Variants in STK10 observed in about 807,000 individuals in gnomAD.
STK10 encodes the protein serine/threonine-protein kinase 10.
In STK10, 78 loss-of-function variants were observed where a neutral mutation model predicts 113.8. That is an observed-to-expected ratio of 0.69 (90% CI 0.57 to 0.83). The LOEUF is 0.83. STK10 is among the 40% of genes least tolerant of loss of function. The pLI, the probability that STK10 is intolerant of heterozygous loss-of-function variation, is 0.00. For synonymous variants in STK10, 465 were observed against 494.7 expected, an observed-to-expected ratio of 0.94 and a Z score of 0.80; for missense variants, 1,109 against 1,280.1, an observed-to-expected ratio of 0.87 and a Z score of 2.04.
At chr5:172,079,934 T>C (rs73321805) in intron 12 of STK10, among the ~76,000 whole-genome samples, 6,709 of 152,242 alleles carry the variant, frequency 0.044, 519 homozygotes, top group African/African-American at 0.15. Context: ...CCTCATTTTT[T>C]CATGCTTCAC....
chr5:172,158,652 T>C (rs1770404203), intron 1 of STK10, among the ~76,000 whole-genome samples: 1 of 151,874 alleles, frequency 6.6e-6, no homozygotes, highest in Non-Finnish European at 1.5e-5. Flanking sequence ...CAAAAAAAGA[T>C]GAATGAATAA....
chr5:172,058,682 A>G (rs73314284), intron 14 of STK10, among the ~76,000 whole-genome samples: 1,792 of 152,112 alleles, frequency 0.012, 35 homozygotes, highest in African/African-American at 0.041. Flanking sequence ...TTGAGCCTAG[A>G]AACCTGAGAC....
intron 1 of STK10, among the ~76,000 whole-genome samples, chr5:172,169,994 T>A (rs1770635951): frequency 6.6e-6 from 1 of 152,198 alleles, no homozygotes; most frequent in Non-Finnish European, 1.5e-5. Context: ...GGTTAGCCAG[T>A]TGACTATTGG....
intron 2 of STK10, among the ~76,000 whole-genome samples, chr5:172,135,664 A>T (rs912381463): frequency 6.6e-6 from 1 of 152,206 alleles, no homozygotes; most frequent in Non-Finnish European, 1.5e-5. Context: ...ATTACTATTG[A>T]TCCAAATGGC....
chr5:172,105,471 G>A (rs1417029206), intron 7 of STK10, 185 bp downstream of exon 7: 10 of 631,108 alleles, frequency 1.6e-5, no homozygotes, highest in South Asian at 5.7e-5. Flanking sequence ...GGGTGGCTTC[G>A]TTCCCCAAGG....
At chr5:172,073,793 CA>C (rs60492751) in intron 12 of STK10, among the ~76,000 whole-genome samples, 3,013 of 58,430 alleles carry the variant, frequency 0.052, 117 homozygotes, top group African/African-American at 0.15. Context: ...CTAAAAATAG[CA>C]AAAAAAAAAA....
At position 172,083,040 on chromosome 5, in the gene STK10, T is replaced by C. The variant is rs1768470317; in HGVS notation, c.1730A>G (p.His577Arg). ...GTTACTCAGCTGGGTCTGGTTCCGA[T>C]GCTCTTCTTTCTGGAGCAGCCGAAG... ...RELRLLQKEE[H>R]RNQTQLSNKH... The change falls in exon 11 of 19, where the codon CAT becomes CGT. Residue 577 changes from histidine to arginine, a missense_variant. Coordinates refer to ENST00000176763, the MANE Select transcript of STK10 (RefSeq NM_005990.4). 3 of 1,614,076 alleles carry C rather than the reference T, an allele frequency of 1.9e-6. No homozygotes were observed. The highest frequency in any genetic ancestry group is 1.3e-5 in the African/African-American group (1 of 74,930).
intron 2 of STK10, among the ~76,000 whole-genome samples, chr5:172,135,384 C>T (rs373476861): frequency 2.5e-4 from 38 of 152,074 alleles, no homozygotes; most frequent in African/African-American, 8.2e-4. Flanking sequence ...TGGTGGCACA[C>T]GCCTGTAGTC....
At position 172,156,657 on chromosome 5, in the gene STK10, G is replaced by A. The variant is rs765467967; in HGVS notation, c.288C>T (p.Leu96=). 2 of 1,613,936 alleles carry A rather than the reference G, an allele frequency of 1.2e-6. No homozygotes were observed. The highest frequency in any genetic ancestry group is 1.7e-5 in the Admixed American group (1 of 60,006). ...TCCCGTCGTGATAGTAGGCTCCCAG[G>A]AGCTTCACAATGTAGGGGTGGTCGC... ...ATCDHPYIVK[L]LGAYYHDGKL... Residue 96 remains leucine, a synonymous_variant, in exon 2 of 19, where the codon CTC becomes CTT. Transcript: ENST00000176763.
intron 7 of STK10, among the ~76,000 whole-genome samples, chr5:172,099,680 T>C (rs1399348728): frequency 6.6e-6 from 1 of 151,998 alleles, no homozygotes; most frequent in Non-Finnish European, 1.5e-5. Flanking sequence ...ATCCCAAAGG[T>C]GAGAACCAAG....
chr5:172,174,602 G>GA (rs1369330762), intron 1 of STK10, among the ~76,000 whole-genome samples: 1 of 152,102 alleles, frequency 6.6e-6, no homozygotes, highest in Non-Finnish European at 1.5e-5. Context: ...TAAAGAAGGA[G>GA]AAACACAAGA....
In STK10 at chr5:172,055,606, C is replaced by T. The variant is rs114365941; in HGVS notation, c.2508G>A (p.Gln836=). 529 of 1,523,014 alleles carry T rather than the reference C, an allele frequency of 3.5e-4. 2 individuals carry two copies. The African/African-American group carries it at 6.5e-3, about 19-fold the overall frequency. 94.3% of individuals were successfully genotyped at this position (1,523,014 alleles called of 1,614,324 possible). Reference sequence around the variant, plus strand: ...CCCCCACCTGCTTGATCTTCTCACGCTGCTCAGCTGCGCTGCCCCCGCCGT... The same window carrying T: ...CCCCCACCTGCTTGATCTTCTCACGTTGCTCAGCTGCGCTGCCCCCGCCGT... ...HINGGGSAAE[Q]REKIKQFSQQ... The change falls in exon 16 of 19, where the codon CAG becomes CAA. Residue 836 remains glutamine (Q), a synonymous_variant. Transcript: ENST00000176763.
chr5:172,064,352 G>A (rs1208765628), intron 13 of STK10: 3 of 255,098 alleles, frequency 1.2e-5, no homozygotes, highest in Admixed American at 4.7e-5. Context: ...GACATCACAA[G>A]TTTGATGTCC....
At chr5:172,056,441 G>A (rs1334403103) in intron 15 of STK10, among the ~76,000 whole-genome samples, 1 of 152,164 alleles carries the variant, frequency 6.6e-6, no homozygotes, top group East Asian at 1.9e-4. Context: ...GGGAGTTCAG[G>A]GAAGGCTTCC....
intron 13 of STK10, among the ~76,000 whole-genome samples, chr5:172,063,991 C>T (rs112490937): frequency 0.031 from 4,678 of 152,098 alleles, 125 homozygotes; most frequent in African/African-American, 0.073. Flanking sequence ...AAAGAGGCGG[C>T]GCTTATCTTA....
intron 4 of STK10, among the ~76,000 whole-genome samples, chr5:172,116,998 G>C (rs1177828976): frequency 6.6e-6 from 1 of 152,104 alleles, no homozygotes; most frequent in Non-Finnish European, 1.5e-5. Flanking sequence ...AAAGAAGCTG[G>C]CCAGGCACAG....
intron 1 of STK10, among the ~76,000 whole-genome samples, chr5:172,165,793 CTTT>C (rs3028106): frequency 6.7e-6 from 1 of 148,410 alleles, no homozygotes; most frequent in Non-Finnish European, 1.5e-5. Context: ...TGGTTGTTTG[CTTT>C]TTTTTTTTTT....
intron 1 of STK10, among the ~76,000 whole-genome samples, chr5:172,173,581 A>AC (rs985295133): frequency 2.6e-5 from 4 of 151,608 alleles, no homozygotes; most frequent in African/African-American, 9.7e-5. Flanking sequence ...ATCCCACCAG[A>AC]CCCCCCAGTA....
At chr5:172,098,679 A>C (rs940571453) in intron 7 of STK10, among the ~76,000 whole-genome samples, 1 of 152,188 alleles carries the variant, frequency 6.6e-6, no homozygotes, top group African/African-American at 2.4e-5. Context: ...CATAGGAGGC[A>C]AAGTAGCATG....
Sources: gnomAD v4.1 joint callset for allele counts (sites outside exome capture counted in the v4.1 genomes callset) on GRCh38, gnomAD v4.1.1 for gene constraint, MANE v1.5 for transcripts, NCBI Gene and HGNC (gene_info 2026-07-23, HGNC 2026-07-21) for gene names.